The following CAMK1D variants were observed in gnomAD, a reference collection of about 807,000 sequenced individuals.
CAMK1D encodes calcium/calmodulin-dependent protein kinase type 1D.
CAMK1D carries 9 observed loss-of-function variants against 47.7 expected under a neutral mutation model. The observed-to-expected ratio is 0.19, with a 90% CI of 0.11 to 0.33. The LOEUF (loss-of-function observed/expected upper bound fraction) is 0.33. Ranked by LOEUF, CAMK1D falls within the 10% of genes least tolerant of loss-of-function variation. The pLI is 1.00. For synonymous variants in CAMK1D, 184 were observed against 184.9 expected, an observed-to-expected ratio of 0.99 and a Z score of 0.04; for missense variants, 291 against 488.7, an observed-to-expected ratio of 0.60 and a Z score of 3.81.
intron 1 of CAMK1D, among the ~76,000 whole-genome samples, chr10:12,427,700 G>GTTTTTTGTTTTTTTTTTTTTTTTT (rs1840284197): frequency 3.9e-4 from 12 of 31,036 alleles, no homozygotes; most frequent in Admixed American, 5.0e-4. Flanking sequence ...TGAACTTACT[G>GTTTTTTGTTTTTTTTTTTTTTTTT]TTTTTTTTTT....
intron 1 of CAMK1D, among the ~76,000 whole-genome samples, chr10:12,475,513 TTATCCATTCCTC>T (rs1330257067): frequency 6.6e-6 from 1 of 152,196 alleles, no homozygotes; most frequent in Non-Finnish European, 1.5e-5. Flanking sequence ...CACCTTTTGT[TTATCCATTCCTC>T]TATCCATGGG....
At chr10:12,413,289 G>A (rs1839727915) in intron 1 of CAMK1D, among the ~76,000 whole-genome samples, 1 of 152,114 alleles carries the variant, frequency 6.6e-6, no homozygotes, top group South Asian at 2.1e-4. Flanking sequence ...ACACTTGCAA[G>A]AACTCACTGT....
chr10:12,485,256 G>A (rs1442850828), intron 1 of CAMK1D, among the ~76,000 whole-genome samples: 1 of 152,164 alleles, frequency 6.6e-6, no homozygotes, highest in African/African-American at 2.4e-5. Flanking sequence ...GGAGCTCCTG[G>A]GGTAGAGAGA....
At chr10:12,362,907 T>C (rs1438729872) in intron 1 of CAMK1D, among the ~76,000 whole-genome samples, 2 of 151,084 alleles carry the variant, frequency 1.3e-5, no homozygotes, top group Non-Finnish European at 3.0e-5. Flanking sequence ...GCCTCCCACA[T>C]TGCTGGGATT....
intron 3 of CAMK1D, among the ~76,000 whole-genome samples, chr10:12,752,967 C>T (rs553352223): frequency 3.9e-5 from 6 of 152,188 alleles, no homozygotes; most frequent in East Asian, 1.9e-4. Flanking sequence ...AACAATTGGC[C>T]GGGCATGGTG....
chr10:12,617,885 C>T (rs953582988), intron 2 of CAMK1D, among the ~76,000 whole-genome samples: 5 of 152,170 alleles, frequency 3.3e-5, no homozygotes, highest in African/African-American at 1.2e-4. Flanking sequence ...AAGTGGTATG[C>T]TCTTCAGACC....
intron 2 of CAMK1D, among the ~76,000 whole-genome samples, chr10:12,587,093 C>A (rs894855395): frequency 6.6e-6 from 1 of 152,162 alleles, no homozygotes; most frequent in Non-Finnish European, 1.5e-5. Context: ...GCTTGAGGCT[C>A]CTCCTTGGTA....
At position 12,577,671 on chromosome 10, in the gene CAMK1D, C is replaced by T. The variant is rs114237719; in HGVS notation, c.224+24315C>T. On this transcript the variant is annotated intron_variant, in intron 2 of 10. Transcript: ENST00000619168. ...CACCAGTTCTCGATTGGTTCACTCC[C>T]TCTTCCTGCTACAGATTGTCTTAGG... is the stretch of plus-strand genomic sequence containing the variant. Among the ~76,000 whole-genome samples, 267 of 152,300 alleles carry T rather than the reference C, an allele frequency of 1.8e-3. 1 individual carries two copies. Among genetic ancestry groups the T allele is most frequent in the African/African-American group, 6.0e-3 (251 of 41,558 alleles).
chr10:12,398,355 C>G (rs1839041140), intron 1 of CAMK1D, among the ~76,000 whole-genome samples: 1 of 151,976 alleles, frequency 6.6e-6, no homozygotes. Context: ...GTATTTATTT[C>G]TTTATTTTTA....
chr10:12,783,052 G>A (rs35920864), intron 5 of CAMK1D, among the ~76,000 whole-genome samples: 33,971 of 149,882 alleles, frequency 0.23, 4,028 homozygotes, highest in East Asian at 0.45. Flanking sequence ...GAGTGCAGTG[G>A]TGCAATCTTG....
intron 1 of CAMK1D, among the ~76,000 whole-genome samples, chr10:12,512,109 T>G (rs1223363142): frequency 6.6e-6 from 1 of 152,238 alleles, no homozygotes; most frequent in Non-Finnish European, 1.5e-5. Context: ...TAAAGGGACC[T>G]CTGCTATACC....
At chr10:12,686,066 G>GTACACC (rs764408387) in intron 3 of CAMK1D, among the ~76,000 whole-genome samples, 80 of 152,288 alleles carry the variant, frequency 5.3e-4, no homozygotes, top group Non-Finnish European at 9.0e-4. Context: ...GCCTTGAAAT[G>GTACACC]TACACCTACC....
intron 1 of CAMK1D, among the ~76,000 whole-genome samples, chr10:12,375,472 C>A (rs1838149945): frequency 6.6e-6 from 1 of 152,198 alleles, no homozygotes; most frequent in Non-Finnish European, 1.5e-5. Context: ...CCCCCCTCAC[C>A]TGTTTACAGG....
chr10:12,411,161 C>T (rs1839642976), intron 1 of CAMK1D, among the ~76,000 whole-genome samples: 1 of 152,194 alleles, frequency 6.6e-6, no homozygotes, highest in African/African-American at 2.4e-5. Context: ...GCCTGGGTGC[C>T]CACTAACCAT....
intron 3 of CAMK1D, among the ~76,000 whole-genome samples, chr10:12,721,071 A>T (rs922271551): frequency 3.3e-5 from 5 of 152,182 alleles, no homozygotes; most frequent in Non-Finnish European, 7.4e-5. Context: ...AATAATCACA[A>T]ACTGGCTAAA....
chr10:12,447,262 CAATT>C (rs1171006014), intron 1 of CAMK1D, among the ~76,000 whole-genome samples: 1 of 152,212 alleles, frequency 6.6e-6, no homozygotes, highest in African/African-American at 2.4e-5. Flanking sequence ...AGGCCAACAA[CAATT>C]TATTTCCCAT....
At chr10:12,352,992 C>T (rs1461898996) in intron 1 of CAMK1D, among the ~76,000 whole-genome samples, 1 of 152,100 alleles carries the variant, frequency 6.6e-6, no homozygotes, top group Non-Finnish European at 1.5e-5. Flanking sequence ...CTGCCTCGGC[C>T]TCCCAAAGTG....
At chr10:12,538,469 G>A (rs1836051021) in intron 1 of CAMK1D, among the ~76,000 whole-genome samples, 1 of 152,184 alleles carries the variant, frequency 6.6e-6, no homozygotes, top group African/African-American at 2.4e-5. Flanking sequence ...CAGTTTTTAT[G>A]TTTAAGCAGA....
chr10:12,614,771 T>G (rs1020042769), intron 2 of CAMK1D, among the ~76,000 whole-genome samples: 1 of 152,220 alleles, frequency 6.6e-6, no homozygotes, highest in Admixed American at 6.5e-5. Context: ...TTATTCACCA[T>G]GTGCTCTAGG....
Sources: allele counts gnomAD v4.1 joint callset (sites outside exome capture counted in the v4.1 genomes callset), GRCh38; gene constraint gnomAD v4.1.1; transcripts MANE v1.5; gene names NCBI Gene and HGNC (gene_info 2026-07-23, HGNC 2026-07-21).